The following ANXA2 variants were observed in gnomAD, a reference collection of about 807,000 sequenced individuals.
ANXA2 encodes annexin II.
ANXA2 carries 28 observed loss-of-function variants against 47.3 expected under a neutral mutation model. The observed-to-expected ratio is 0.59, with a 90% confidence interval of 0.44 to 0.81. The LOEUF is 0.81. Ranked by LOEUF, ANXA2 falls within the 40% of genes least tolerant of loss-of-function variation. ANXA2 has a pLI of 0.00. For missense variants in ANXA2, 384 were observed against 414.3 expected (o/e 0.93, Z 0.64); for synonymous variants, 172 against 155.5 (o/e 1.11, Z -0.79).
intron 7 of ANXA2, chr15:60,355,628 C>G (rs1039639122): frequency 2.1e-6 from 1 of 480,400 alleles, no homozygotes; most frequent in Non-Finnish European, 3.8e-6. Flanking sequence ...AGTGACCTTC[C>G]CTAAGTCACA....
chr15:60,378,533 G>C (rs896630408), intron 3 of ANXA2, among the ~76,000 whole-genome samples: 1 of 152,130 alleles, frequency 6.6e-6, no homozygotes, highest in Non-Finnish European at 1.5e-5. Context: ...TTAGCACTGA[G>C]CTCTTACGAA....
rs958870664 is a variant in ANXA2, at chr15:60,354,740, C to G, written c.529-527G>C. 3.9e-5 allele frequency among the ~76,000 whole-genome samples: 6 copies of G among 152,228 alleles called. No individual in the cohort carries two copies. The South Asian group carries it at 6.2e-4, about 16-fold the overall frequency. Reference sequence around the variant, plus strand: ...CTGTGCCTTGCCATCAACAATCCCCCCCTTGATACCCAGTCCTGGCCTACA... The same window carrying G: ...CTGTGCCTTGCCATCAACAATCCCCGCCTTGATACCCAGTCCTGGCCTACA... On this transcript the variant is annotated intron_variant, in intron 7 of 12. Coordinates refer to ENST00000451270, the MANE Select transcript of ANXA2 (RefSeq NM_004039.3).
At chr15:60,365,039 T>A (rs1386844297) in intron 3 of ANXA2, among the ~76,000 whole-genome samples, 1 of 49,810 alleles carries the variant, frequency 2.0e-5, no homozygotes, top group Non-Finnish European at 4.7e-5. Context: ...TGAGTCAGAT[T>A]TAACACGGCA....
intron 4 of ANXA2, 68 bp from the exon 5 acceptor site, chr15:60,361,122 G>A: frequency 9.3e-7 from 1 of 1,079,346 alleles, no homozygotes; most frequent in Non-Finnish European, 1.4e-6. Context: ...TAAAACAAAA[G>A]TAAGAGGGAT....
At chr15:60,354,242 T>A (rs776029697) in intron 7 of ANXA2, 29 bp from the exon 8 acceptor site, 1 of 1,560,314 alleles carries the variant, frequency 6.4e-7, no homozygotes, top group East Asian at 2.2e-5. Context: ...GAACTTCAAA[T>A]ACATTTCTTT....
intron 1 of ANXA2, among the ~76,000 whole-genome samples, chr15:60,387,829 C>T (rs2062953831): frequency 6.6e-6 from 1 of 152,176 alleles, no homozygotes; most frequent in South Asian, 2.1e-4. Context: ...TATGTGGGAA[C>T]AGGGGAACAT....
At chr15:60,354,296 G>T in intron 7 of ANXA2, 83 bp from the exon 8 acceptor site, 1 of 1,106,826 alleles carries the variant, frequency 9.0e-7, no homozygotes, top group Non-Finnish European at 1.3e-6. Flanking sequence ...GTCCATGTAC[G>T]CCATTATTTA....
chr15:60,360,244 G>T (rs149009130), intron 5 of ANXA2, among the ~76,000 whole-genome samples: 1 of 151,940 alleles, frequency 6.6e-6, no homozygotes, highest in African/African-American at 2.4e-5. Context: ...CAACAAGAGC[G>T]AAATCCATCT....
chr15:60,366,378 C>T (rs1324112858), intron 3 of ANXA2, among the ~76,000 whole-genome samples: 1 of 150,522 alleles, frequency 6.6e-6, no homozygotes. Context: ...TCTTCCCCGC[C>T]GCCATCCCAT....
chr15:60,360,445 G>A (rs2062496594), intron 5 of ANXA2, among the ~76,000 whole-genome samples: 1 of 152,126 alleles, frequency 6.6e-6, no homozygotes, highest in Non-Finnish European at 1.5e-5. Flanking sequence ...TACGATTCAG[G>A]TACGATTCTT....
At chr15:60,360,829 G>A in intron 5 of ANXA2, 112 bp downstream of exon 5, 1 of 689,452 alleles carries the variant, frequency 1.5e-6, no homozygotes, top group Non-Finnish European at 2.6e-6. Context: ...TTTAAAAAAT[G>A]GTTCCAAATG....
intron 4 of ANXA2, chr15:60,361,481 G>C (rs186999147): frequency 1.1e-5 from 2 of 177,406 alleles, no homozygotes; most frequent in Admixed American, 5.6e-5. Flanking sequence ...GTGGCCTCCC[G>C]ATATACTGTA....
At chr15:60,396,971 T>G (rs1010949161) in intron 1 of ANXA2, among the ~76,000 whole-genome samples, 3 of 152,256 alleles carry the variant, frequency 2.0e-5, no homozygotes, top group Non-Finnish European at 4.4e-5. Context: ...TATTACCTAA[T>G]GACTGTGTTT....
intron 3 of ANXA2, among the ~76,000 whole-genome samples, chr15:60,379,498 T>C (rs911434518): frequency 6.6e-6 from 1 of 151,952 alleles, no homozygotes; most frequent in East Asian, 1.9e-4. Flanking sequence ...AAAAAATCCA[T>C]TCCTCACAGG....
intron 5 of ANXA2, among the ~76,000 whole-genome samples, chr15:60,357,488 T>A (rs1566933218): frequency 1.3e-5 from 2 of 151,466 alleles, no homozygotes; most frequent in African/African-American, 4.9e-5. Flanking sequence ...TTAATATGGT[T>A]TTTTTTTTTA....
At position 60,352,469 on chromosome 15, in the gene ANXA2, T is replaced by C. The variant is rs955038442; in HGVS notation, c.596A>G (p.Tyr199Cys). Residue 199 changes from tyrosine to cysteine, a missense_variant, in exon 9 of 13, where the codon TAT becomes TGT. Transcript: ENST00000451270. This position sits in a 1 kb window ranked among gnomAD's most constrained non-coding sequence, Gnocchi z 4.2. ...ELIDQDARDL[Y>C]DAGVKRKGTD... ...TCCTTTCCTCTTCACTCCAGCGTCATAGAGATCCTACGAGTACAACCAACC... is the reference window on the plus strand; with the variant it reads ...TCCTTTCCTCTTCACTCCAGCGTCACAGAGATCCTACGAGTACAACCAACC... 5 of 1,612,858 alleles carry C rather than the reference T, an allele frequency of 3.1e-6. No homozygotes were observed. The highest frequency in any genetic ancestry group is 4.2e-6 in the Non-Finnish European group (5 of 1,179,062).
intron 1 of ANXA2, chr15:60,393,183 C>T: frequency 4.1e-6 from 5 of 1,220,040 alleles, no homozygotes; most frequent in Non-Finnish European, 5.2e-6. Context: ...GCACTTGCTC[C>T]AGCTTGTCTC....
At chr15:60,374,173 T>C (rs1406758584) in intron 3 of ANXA2, among the ~76,000 whole-genome samples, 1 of 152,098 alleles carries the variant, frequency 6.6e-6, no homozygotes, top group Non-Finnish European at 1.5e-5. Context: ...TTAGAAAGGA[T>C]TTAAGGTATC....
chr15:60,358,473 A>C (rs1457691715), intron 5 of ANXA2, among the ~76,000 whole-genome samples: 2 of 152,252 alleles, frequency 1.3e-5, no homozygotes, highest in East Asian at 1.9e-4. Context: ...ATACAATAAG[A>C]AACTTACCCA....
Sources: allele counts gnomAD v4.1 joint callset (sites outside exome capture counted in the v4.1 genomes callset), GRCh38; gene constraint gnomAD v4.1.1; non-coding constraint Gnocchi (gnomAD v3.1); transcripts MANE v1.5; gene names NCBI Gene and HGNC (gene_info 2026-07-23, HGNC 2026-07-21).